The following PRKCA variants were observed in gnomAD, a reference collection of about 807,000 sequenced individuals.
The protein encoded by PRKCA is protein kinase C alpha.
PRKCA carries 27 observed loss-of-function variants against 87.0 expected under a neutral mutation model. The observed-to-expected ratio is 0.31, with a 90% CI of 0.23 to 0.43. The LOEUF is 0.43. PRKCA is among the 20% of genes least tolerant of loss of function. The pLI, the probability that PRKCA is intolerant of heterozygous loss-of-function variation, is 1.00. For missense variants in PRKCA, 518 were observed against 852.3 expected (o/e 0.61, Z 4.88); for synonymous variants, 329 against 311.1 (o/e 1.06, Z -0.61).
Position 66,302,728 on chromosome 17 carries a change from C to A in PRKCA, c.-124C>A. Reference sequence around the variant, plus strand: ...CCGCGCCCCCTCGCCGCGACCTCGGCCACCGGCCCGCGCCCCGCGCCCGGG... The same window carrying A: ...CCGCGCCCCCTCGCCGCGACCTCGGACACCGGCCCGCGCCCCGCGCCCGGG... On this transcript the variant is annotated 5_prime_UTR_variant, in exon 1 of 17. Coordinates refer to ENST00000413366, the MANE Select transcript of PRKCA (RefSeq NM_002737.3). 3.1e-6 allele frequency: 2 copies of A among 647,716 alleles called. No homozygotes were observed. The highest frequency in any genetic ancestry group is 3.9e-6 in the Non-Finnish European group (2 of 516,926). 40.1% of individuals were successfully genotyped at this position (647,716 alleles called of 1,614,324 possible).
chr17:66,306,710 A>G (rs1045078412), intron 2 of PRKCA, among the ~76,000 whole-genome samples: 3 of 152,138 alleles, frequency 2.0e-5, no homozygotes, highest in Non-Finnish European at 2.9e-5. Flanking sequence ...GCCATCACAT[A>G]CAGAAAGAAA....
At chr17:66,426,264 G>A (rs1439709562) in intron 2 of PRKCA, among the ~76,000 whole-genome samples, 2 of 152,074 alleles carry the variant, frequency 1.3e-5, no homozygotes, top group Non-Finnish European at 2.9e-5. Context: ...GGAAAGGTTG[G>A]CAAGAAGTCA....
chr17:66,344,846 A>G (rs1912525588), intron 2 of PRKCA, among the ~76,000 whole-genome samples: 1 of 152,206 alleles, frequency 6.6e-6, no homozygotes, highest in Admixed American at 6.5e-5. Flanking sequence ...GCTCACTGCA[A>G]CTTCCACCTC....
intron 13 of PRKCA, among the ~76,000 whole-genome samples, chr17:66,772,434 G>A (rs1974954227): frequency 6.6e-6 from 1 of 152,036 alleles, no homozygotes; most frequent in East Asian, 1.9e-4. Flanking sequence ...TTAAAGAAAT[G>A]AAAGTGGGCA....
At chr17:66,418,813 G>A (rs796658220) in intron 2 of PRKCA, among the ~76,000 whole-genome samples, 2 of 152,010 alleles carry the variant, frequency 1.3e-5, no homozygotes, top group African/African-American at 2.4e-5. Context: ...GTGCAGTGGC[G>A]CGATCTCGGC....
intron 2 of PRKCA, among the ~76,000 whole-genome samples, chr17:66,469,806 GT>G (rs1250567150): frequency 2.0e-5 from 3 of 152,024 alleles, no homozygotes; most frequent in South Asian, 4.2e-4. Flanking sequence ...GGGTATTTAT[GT>G]TTTTTTTAGG....
rs1313686517 is a variant in PRKCA at position 66,340,371 on chromosome 17, TTTTTTTTTC to T, written c.205+34253_205+34261del. Among the ~76,000 whole-genome samples the T allele has an allele frequency of 4.4e-3, 576 of 130,842 alleles. 5 individuals carry two copies. The highest frequency in any genetic ancestry group is 0.018 in the African/African-American group (551 of 31,150). 85.8% of individuals were successfully genotyped at this position (130,842 alleles called of 152,430 possible). On this transcript the variant is annotated intron_variant, in intron 2 of 16. Transcript: ENST00000413366. ...ACTGGCAGGGTGTTTGGTTTCTTTT[TTTTTTTTTC>T]TTTTTTTTTTTTGGCTTGTTTGTTT... is the stretch of plus-strand genomic sequence containing the variant.
intron 8 of PRKCA, among the ~76,000 whole-genome samples, chr17:66,709,707 C>T (rs1400282127): frequency 1.2e-4 from 18 of 147,904 alleles, no homozygotes; most frequent in East Asian, 2.0e-4. Flanking sequence ...TTTTCTTTTT[C>T]GGTGGAAGTT....
chr17:66,523,098 G>A (rs1024557342), intron 3 of PRKCA, among the ~76,000 whole-genome samples: 6 of 152,130 alleles, frequency 3.9e-5, no homozygotes, highest in Non-Finnish European at 7.3e-5. Context: ...AGTGTGTGTG[G>A]CCTGAGTCAC....
intron 3 of PRKCA, among the ~76,000 whole-genome samples, chr17:66,586,110 A>G (rs1447918044): frequency 6.6e-5 from 10 of 152,174 alleles, no homozygotes; most frequent in African/African-American, 2.2e-4. Flanking sequence ...AAAGGGACCT[A>G]TATCTGTGGT....
chr17:66,309,042 C>T (rs538518794), intron 2 of PRKCA, among the ~76,000 whole-genome samples: 7 of 152,236 alleles, frequency 4.6e-5, no homozygotes, highest in Non-Finnish European at 1.0e-4. Context: ...TATTTTTACC[C>T]GATGAGGCAG....
intron 3 of PRKCA, among the ~76,000 whole-genome samples, chr17:66,528,479 T>G (rs937349348): frequency 1.2e-4 from 19 of 152,252 alleles, no homozygotes; most frequent in Middle Eastern, 3.4e-3. Flanking sequence ...AAGGACCTTC[T>G]AAGAGTGAGG....
At chr17:66,786,264 C>G (rs1975390832) in intron 14 of PRKCA, among the ~76,000 whole-genome samples, 1 of 152,230 alleles carries the variant, frequency 6.6e-6, no homozygotes, top group South Asian at 2.1e-4. Flanking sequence ...GCCTTCCTCT[C>G]TCAGCCTGGT....
Position 66,368,386 on chromosome 17 carries a change from A to ATTTTTTTTTTTTTT in PRKCA, c.205+62271_205+62284dup, listed in dbSNP as rs1180540465. The stretch of plus-strand genomic sequence containing the variant: ...TATGTATATATATATATATATATAT[A>ATTTTTTTTTTTTTT]TTTTTTTTTTTTTTTTTTTTTTTTT... On this transcript the variant is annotated intron_variant, in intron 2 of 16. Transcript: ENST00000413366. Among the ~76,000 whole-genome samples, 2 of 25,468 alleles carry ATTTTTTTTTTTTTT rather than the reference A, an allele frequency of 7.9e-5. 1 individual carries two copies. Among genetic ancestry groups the ATTTTTTTTTTTTTT allele is most frequent in the African/African-American group, 2.4e-4 (2 of 8,370 alleles). 16.7% of individuals were successfully genotyped at this position (25,468 alleles called of 152,430 possible). A position where few individuals can be genotyped will look rare whatever the true frequency, so the allele number is the denominator to read the frequency against.
intron 15 of PRKCA, among the ~76,000 whole-genome samples, chr17:66,787,569 T>C (rs1326203650): frequency 1.3e-5 from 2 of 152,212 alleles, no homozygotes; most frequent in East Asian, 3.8e-4. Flanking sequence ...AGCTATAGCA[T>C]ACATACAGCA....
intron 2 of PRKCA, among the ~76,000 whole-genome samples, chr17:66,493,549 C>T (rs1390734702): frequency 6.6e-6 from 1 of 151,970 alleles, no homozygotes; most frequent in African/African-American, 2.4e-5. Context: ...TTCATCTATC[C>T]ATCTGTCTGT....
In PRKCA at chr17:66,731,035, A is replaced by G. The variant is rs111522683; in HGVS notation, c.919-1653A>G. ...GAGCTCCAGAGCTAAGGTCTGCTGC[A>G]CTAGGGAGGGAGGTGCACCCTCTCA... On this transcript the variant is annotated intron_variant, in intron 8 of 16. Transcript: ENST00000413366. Among the ~76,000 whole-genome samples, 820 of 152,284 alleles carry G rather than the reference A, an allele frequency of 5.4e-3. 5 individuals carry two copies. Among genetic ancestry groups the G allele is most frequent in the African/African-American group, 0.019 (785 of 41,558 alleles).
At chr17:66,406,059 C>T (rs1173102007) in intron 2 of PRKCA, among the ~76,000 whole-genome samples, 2 of 152,156 alleles carry the variant, frequency 1.3e-5, no homozygotes, top group Non-Finnish European at 2.9e-5. Context: ...CTGTCATCAT[C>T]GAGTTAGTGG....
intron 5 of PRKCA, among the ~76,000 whole-genome samples, chr17:66,676,971 T>C (rs1159212901): frequency 2.0e-5 from 3 of 152,176 alleles, no homozygotes; most frequent in African/African-American, 7.2e-5. Flanking sequence ...CTTTTTTGTG[T>C]CACTTTCTCC....
Sources: allele counts gnomAD v4.1 joint callset (sites outside exome capture counted in the v4.1 genomes callset), GRCh38; gene constraint gnomAD v4.1.1; transcripts MANE v1.5; gene names NCBI Gene and HGNC (gene_info 2026-07-23, HGNC 2026-07-21).